Variants in GRIK4 observed in about 807,000 individuals in gnomAD.
GRIK4 encodes the protein glutamate ionotropic receptor kainate type subunit 4.
In GRIK4, 40 loss-of-function variants were observed where a neutral mutation model predicts 104.9. The ratio of observed to expected loss-of-function variants is 0.38; its 90% CI spans 0.30 to 0.50. The LOEUF (loss-of-function observed/expected upper bound fraction) is 0.50, where lower values mean the gene tolerates loss of function less well. GRIK4 is among the 20% of genes least tolerant of loss of function. The pLI is 0.93. For missense variants in GRIK4, 1,047 were observed against 1,308.1 expected (o/e 0.80, Z 3.08); for synonymous variants, 485 against 524.9 (o/e 0.92, Z 1.04).
intron 1 of GRIK4, among the ~76,000 whole-genome samples, chr11:120,563,633 C>G (rs1029267121): frequency 4.6e-5 from 7 of 152,142 alleles, no homozygotes; most frequent in African/African-American, 1.7e-4. Flanking sequence ...TGCTCACGGT[C>G]CAGCTGGTCT....
intron 9 of GRIK4, among the ~76,000 whole-genome samples, chr11:120,866,272 T>C (rs568336467): frequency 6.6e-6 from 1 of 152,140 alleles, no homozygotes; most frequent in African/African-American, 2.4e-5. Context: ...CCTCGGCATA[T>C]GTTACTCTCA....
At chr11:120,826,243 C>T (rs1953255766) in intron 6 of GRIK4, among the ~76,000 whole-genome samples, 2 of 152,194 alleles carry the variant, frequency 1.3e-5, no homozygotes, top group African/African-American at 2.4e-5. Context: ...TACCTTCTCT[C>T]CCAGCTTTCC....
intron 14 of GRIK4, among the ~76,000 whole-genome samples, chr11:120,949,416 CCT>C (rs1365169473): frequency 1.3e-5 from 2 of 152,310 alleles, no homozygotes; most frequent in Middle Eastern, 3.4e-3. Flanking sequence ...CAGAGCTTGA[CCT>C]GTCTTCAACA....
At chr11:120,536,159 A>G (rs1033904807) in intron 1 of GRIK4, among the ~76,000 whole-genome samples, 1 of 152,266 alleles carries the variant, frequency 6.6e-6, no homozygotes, top group African/African-American at 2.4e-5. Context: ...ACAGAAAGGT[A>G]GATTAAAAAG....
chr11:120,606,406 C>T (rs544080657), intron 1 of GRIK4, among the ~76,000 whole-genome samples: 12 of 152,256 alleles, frequency 7.9e-5, no homozygotes, highest in African/African-American at 2.9e-4. Context: ...ATTTACATAG[C>T]GCTGTAAACA....
In GRIK4 at chr11:120,946,686, AC is replaced by A. The variant is rs147764305; in HGVS notation, c.1591-6168del. Among the ~76,000 whole-genome samples the A allele has an allele frequency of 5.0e-3, 759 of 152,304 alleles. 5 individuals carry two copies. The highest frequency in any genetic ancestry group is 9.1e-3 in the Non-Finnish European group (622 of 68,028). On this transcript the variant is annotated intron_variant, in intron 14 of 20. Coordinates refer to ENST00000527524, the MANE Select transcript of GRIK4 (RefSeq NM_014619.5). Reference sequence around the variant, plus strand: ...AAGCAGGTAGTATGATTCTCATTTTACAGGACAAAATTCTGAAACTCTGTGA... The same window carrying A: ...AAGCAGGTAGTATGATTCTCATTTTAAGGACAAAATTCTGAAACTCTGTGA...
In GRIK4 at chr11:120,910,429, C is replaced by A. The variant is rs138780823; in HGVS notation, c.1476+4936C>A. 2.5e-3 allele frequency among the ~76,000 whole-genome samples: 381 copies of A among 152,310 alleles called. 2 individuals carry two copies. Among genetic ancestry groups the A allele is most frequent in the African/African-American group, 8.4e-3 (350 of 41,564 alleles). On this transcript the variant is annotated intron_variant, in intron 13 of 20. Transcript: ENST00000527524. ...AGTTGGGTGGCCTCTCACCCTGGGG[C>A]TGTGTCTGGGCAGTGGAGATGAGAA...
chr11:120,900,929 G>T (rs77952967), intron 12 of GRIK4, among the ~76,000 whole-genome samples: 5,665 of 152,274 alleles, frequency 0.037, 340 homozygotes, highest in African/African-American at 0.13. Flanking sequence ...GGGGGAGGGG[G>T]TGCAGCACCC....
chr11:120,783,013 T>C (rs1241754821), intron 3 of GRIK4, among the ~76,000 whole-genome samples: 2 of 152,178 alleles, frequency 1.3e-5, no homozygotes, highest in Non-Finnish European at 2.9e-5. Flanking sequence ...TAACTACCTC[T>C]TAAAATCCCC....
chr11:120,794,292 G>C (rs1034409740), intron 3 of GRIK4, among the ~76,000 whole-genome samples: 19 of 151,848 alleles, frequency 1.3e-4, no homozygotes, highest in Non-Finnish European at 2.4e-4. Context: ...GCCAGGCGAT[G>C]GTTGGAGGGG....
rs545924750 is a variant in GRIK4, at chr11:120,950,694, GC to G, written c.1591-2160del. 6.6e-5 allele frequency among the ~76,000 whole-genome samples: 10 copies of G among 152,274 alleles called. No homozygotes were observed. The South Asian group carries it at 2.1e-3, about 32-fold the overall frequency. ...CTGCTTCTGGACTCTGTATATGGAT[GC>G]TACCCTCTCTGTGTCTTCCTGTGTC... is the stretch of plus-strand genomic sequence containing the variant. On this transcript the variant is annotated intron_variant, in intron 14 of 20. Transcript: ENST00000527524.
chr11:120,529,370 G>A lies in GRIK4; in HGVS notation c.-159+17483G>A, dbSNP rs115811504. On this transcript the variant is annotated intron_variant, in intron 1 of 20. Coordinates refer to ENST00000527524, the MANE Select transcript of GRIK4 (RefSeq NM_014619.5). ...ACCAAAGAGAGGAGCAAGCCCAGCC[G>A]CTGTGCCCATCGACATTAGAGGGAT... Among the ~76,000 whole-genome samples the A allele has an allele frequency of 6.8e-3, 1,042 of 152,310 alleles. 14 individuals carry two copies. The highest frequency in any genetic ancestry group is 0.024 in the African/African-American group (987 of 41,566).
rs1375024204 is a variant in GRIK4, at chr11:120,861,827, C to T, written c.745-132C>T. On this transcript the variant is annotated intron_variant, in intron 8 of 20. Transcript: ENST00000527524. ...AAAAACTGCTCTCATTAACTCTGGA[C>T]CCCTAGGTCCCAACAGAGTGTCTGG... 4.2e-6 allele frequency: 3 copies of T among 712,550 alleles called. No homozygotes were observed. In the African/African-American group the frequency reaches 5.3e-5, roughly 13 times the overall value. The allele number at this position is 712,550 out of a possible 1,614,324, so 44.1% of individuals were successfully genotyped here.
chr11:120,575,215 T>C (rs1947541080), intron 1 of GRIK4, among the ~76,000 whole-genome samples: 1 of 152,118 alleles, frequency 6.6e-6, no homozygotes, highest in South Asian at 2.1e-4. Context: ...ACACGAGCAT[T>C]TTGGCGAATT....
intron 1 of GRIK4, among the ~76,000 whole-genome samples, chr11:120,522,322 T>C (rs1237870091): frequency 1.3e-5 from 2 of 152,136 alleles, no homozygotes; most frequent in South Asian, 2.1e-4. Flanking sequence ...GGGTCTTTTT[T>C]TTCTTTCTTT....
intron 1 of GRIK4, among the ~76,000 whole-genome samples, chr11:120,535,049 G>A (rs567339205): frequency 1.3e-5 from 2 of 152,228 alleles, no homozygotes; most frequent in Non-Finnish European, 2.9e-5. Context: ...CTCTCCTGGG[G>A]GAAGCCCTGA....
intron 1 of GRIK4, among the ~76,000 whole-genome samples, chr11:120,538,177 TC>T (rs1947998190): frequency 6.6e-6 from 1 of 152,146 alleles, no homozygotes; most frequent in African/African-American, 2.4e-5. Context: ...ATCCCATCCC[TC>T]CCGCTGTGTG....
chr11:120,603,952 C>T (rs1349059781), intron 1 of GRIK4, among the ~76,000 whole-genome samples: 5 of 151,776 alleles, frequency 3.3e-5, no homozygotes, highest in East Asian at 2.0e-4. Context: ...AGGCGGATCA[C>T]GAGGTCAGGA....
intron 3 of GRIK4, among the ~76,000 whole-genome samples, chr11:120,733,557 A>G (rs73012346): frequency 3.6e-5 from 5 of 137,874 alleles, no homozygotes; most frequent in African/African-American, 1.1e-4. Flanking sequence ...ATTATTTTAA[A>G]TTGATGACAA....
Sources: allele counts gnomAD v4.1 joint callset (sites outside exome capture counted in the v4.1 genomes callset), GRCh38; gene constraint gnomAD v4.1.1; transcripts MANE v1.5; gene names NCBI Gene and HGNC (gene_info 2026-07-23, HGNC 2026-07-21).